The following RHBDL2 variants were observed in gnomAD, a reference collection of about 807,000 sequenced individuals.
RHBDL2 encodes the protein rhomboid-related protein 2.
RHBDL2 carries 26 observed loss-of-function variants against 31.7 expected under a neutral mutation model. That is an observed-to-expected ratio of 0.82 (90% CI 0.60 to 1.14). The LOEUF (loss-of-function observed/expected upper bound fraction) is 1.14, where lower values mean the gene tolerates loss of function less well. Among genes scored for constraint, RHBDL2 ranks in the 50% most tolerant of loss-of-function variants. The pLI is 0.00. For synonymous variants in RHBDL2, 123 were observed against 127.2 expected (o/e 0.97, Z 0.22); for missense variants, 336 against 364.4 (o/e 0.92, Z 0.63).
intron 5 of RHBDL2, among the ~76,000 whole-genome samples, 179 bp downstream of exon 5, chr1:38,895,790 A>C (rs1006048445): frequency 6.6e-6 from 1 of 152,194 alleles, no homozygotes; most frequent in Non-Finnish European, 1.5e-5. Context: ...GCAATGGTGC[A>C]AGACTCTGTC....
intron 1 of RHBDL2, among the ~76,000 whole-genome samples, chr1:38,934,630 C>T (rs939560557): frequency 2.2e-5 from 3 of 137,740 alleles, no homozygotes; most frequent in African/African-American, 8.3e-5. Context: ...CACTGCATTC[C>T]AGCCTGAGTG....
At chr1:38,891,599 C>T (rs1045761578) in intron 6 of RHBDL2, among the ~76,000 whole-genome samples, 2 of 152,146 alleles carry the variant, frequency 1.3e-5, no homozygotes. Flanking sequence ...CAGATACTCA[C>T]TCTCCCTTCT....
intron 1 of RHBDL2, among the ~76,000 whole-genome samples, chr1:38,922,467 T>G: frequency 1.2e-5 from 1 of 84,698 alleles, no homozygotes; most frequent in East Asian, 2.8e-4. Context: ...TGGGGTCTTC[T>G]TGTGTTACCC....
intron 3 of RHBDL2, 145 bp from the exon 4 acceptor site, chr1:38,911,579 C>G (rs925933992): frequency 6.4e-6 from 4 of 625,084 alleles, no homozygotes; most frequent in African/African-American, 1.9e-5. Context: ...TCGCAGACAA[C>G]TCTTTTTTTC....
At chr1:38,924,675 A>G (rs1643353702) in intron 1 of RHBDL2, among the ~76,000 whole-genome samples, 1 of 151,786 alleles carries the variant, frequency 6.6e-6, no homozygotes, top group Non-Finnish European at 1.5e-5. Flanking sequence ...TAACAATCAC[A>G]GAGCCAGTGT....
intron 1 of RHBDL2, among the ~76,000 whole-genome samples, chr1:38,925,522 A>T (rs1026203341): frequency 7.9e-5 from 12 of 152,026 alleles, no homozygotes; most frequent in African/African-American, 2.9e-4. Flanking sequence ...GTCTCAAAAA[A>T]AAAAAAAAGG....
At chr1:38,915,336 G>C (rs1349793807) in intron 3 of RHBDL2, among the ~76,000 whole-genome samples, 1 of 151,732 alleles carries the variant, frequency 6.6e-6, no homozygotes, top group Non-Finnish European at 1.5e-5. Context: ...TATCAGCCAG[G>C]CTGGTCTCGA....
chr1:38,908,465 C>CTGCACCTGGAG (rs1553158773), intron 4 of RHBDL2, among the ~76,000 whole-genome samples: 1 of 138,202 alleles, frequency 7.2e-6, no homozygotes, highest in Non-Finnish European at 1.5e-5. Context: ...TGAGCTGAGA[C>CTGCACCTGGAG]TGCACCATTG....
intron 4 of RHBDL2, among the ~76,000 whole-genome samples, chr1:38,899,669 T>G (rs1642964431): frequency 6.6e-6 from 1 of 152,216 alleles, no homozygotes; most frequent in South Asian, 2.1e-4. Flanking sequence ...AACCAATGTG[T>G]TTTGCCCCAG....
intron 4 of RHBDL2, among the ~76,000 whole-genome samples, chr1:38,905,018 G>C (rs911704133): frequency 6.0e-5 from 9 of 150,406 alleles, no homozygotes; most frequent in African/African-American, 2.2e-4. Context: ...GCAACAGAGC[G>C]AGACTCCGTC....
chr1:38,923,148 G>T (rs1294539357), intron 1 of RHBDL2, among the ~76,000 whole-genome samples: 1 of 152,080 alleles, frequency 6.6e-6, no homozygotes, highest in African/African-American at 2.4e-5. Context: ...GTGTGGCAAT[G>T]GGTGCAATGT....
At chr1:38,896,135 T>C (rs1342783769) in intron 4 of RHBDL2, 66 bp from the exon 5 acceptor site, 1 of 1,234,536 alleles carries the variant, frequency 8.1e-7, no homozygotes, top group African/African-American at 1.5e-5. Flanking sequence ...ATCTTTCTAA[T>C]CTAAGGTAGA....
chr1:38,922,806 CTT>C (rs200981595), intron 1 of RHBDL2, among the ~76,000 whole-genome samples: 1,966 of 152,150 alleles, frequency 0.013, 19 homozygotes, highest in Non-Finnish European at 0.019. Flanking sequence ...ATGAAAAAGA[CTT>C]AGGCCGGGCA....
In RHBDL2 at chr1:38,941,769, C is replaced by T. The variant is rs1643563217; in HGVS notation, c.-213G>A. ...CTGGGCCAAGGGGTTGCCCGCTGCC[C>T]TGAAGATCCCGCTCTGCCAGGCGCT... On this transcript the variant is annotated 5_prime_UTR_variant, in exon 1 of 8. Transcript: ENST00000372990. The T allele has an allele frequency of 6.5e-6, 1 of 152,738 alleles. No individual in the cohort carries two copies. Among genetic ancestry groups the T allele is most frequent in the Non-Finnish European group, 1.5e-5 (1 of 68,474 alleles). The allele number at this position is 152,738 out of a possible 1,614,324, so 9.5% of individuals were successfully genotyped here.
intron 6 of RHBDL2, among the ~76,000 whole-genome samples, chr1:38,889,104 T>C (rs1334554718): frequency 3.3e-5 from 5 of 152,074 alleles, no homozygotes; most frequent in Non-Finnish European, 7.4e-5. Context: ...ATTTTGTTTG[T>C]TTGTTTATGA....
chr1:38,899,352 C>G (rs780466082), intron 4 of RHBDL2, among the ~76,000 whole-genome samples: 1 of 152,198 alleles, frequency 6.6e-6, no homozygotes, highest in Non-Finnish European at 1.5e-5. Context: ...ACCTTGGTCC[C>G]CTGCCCTCGT....
At chr1:38,929,941 A>G (rs1020036178) in intron 1 of RHBDL2, among the ~76,000 whole-genome samples, 8 of 152,208 alleles carry the variant, frequency 5.3e-5, no homozygotes, top group Non-Finnish European at 7.3e-5. Context: ...CTGAGGATAC[A>G]CTTGGAATAA....
Position 38,886,568 on chromosome 1 carries a change from G to A in RHBDL2, c.848C>T (p.Ala283Val). 6.2e-7 allele frequency: 1 copy of A among 1,605,474 alleles called. No homozygotes were observed. The highest frequency in any genetic ancestry group is 8.5e-7 in the Non-Finnish European group (1 of 1,174,916). Reference protein sequence around the residue: ...LKDPRFWIAIAAYLACVLFAV... With the variant: ...LKDPRFWIAIVAYLACVLFAV... The stretch of plus-strand genomic sequence containing the variant: ...AAATAAGACACAAGCTAAATATGCA[G>A]CAATTGCTATCCAAAACCTTGGATC... Residue 283 changes from alanine (A) to valine (V), a missense_variant, in exon 8 of 8, where the codon GCT becomes GTT. Transcript: ENST00000372990.
At chr1:38,928,596 G>A (rs528487058) in intron 1 of RHBDL2, among the ~76,000 whole-genome samples, 3 of 151,698 alleles carry the variant, frequency 2.0e-5, no homozygotes, top group African/African-American at 4.8e-5. Context: ...ACAGGCATGC[G>A]CCACCACGCC....
Sources: gnomAD v4.1 joint callset for allele counts (sites outside exome capture counted in the v4.1 genomes callset) on GRCh38, gnomAD v4.1.1 for gene constraint, MANE v1.5 for transcripts, NCBI Gene and HGNC (gene_info 2026-07-23, HGNC 2026-07-21) for gene names.